SORCS3: variants seen among roughly 807,000 people sequenced by gnomAD.
The protein encoded by SORCS3 is sortilin related VPS10 domain containing receptor 3.
In SORCS3, 57 loss-of-function variants were observed where a neutral mutation model predicts 146.3. The observed-to-expected ratio is 0.39, with a 90% CI of 0.31 to 0.49. The LOEUF (loss-of-function observed/expected upper bound fraction) is 0.49. SORCS3 is among the 20% of genes least tolerant of loss of function. SORCS3 has a pLI of 0.92. For missense variants in SORCS3, 1,341 were observed against 1,575.5 expected, an observed-to-expected ratio of 0.85 and a Z score of 2.52; for synonymous variants, 653 against 618.5, an observed-to-expected ratio of 1.06 and a Z score of -0.83.
chr10:105,068,635 A>G (rs1195105162), intron 5 of SORCS3, among the ~76,000 whole-genome samples: 1 of 152,234 alleles, frequency 6.6e-6, no homozygotes, highest in African/African-American at 2.4e-5. Flanking sequence ...TTAAAGCGTA[A>G]TGACACATTA....
At chr10:105,108,276 A>T (rs1589636463) in intron 7 of SORCS3, among the ~76,000 whole-genome samples, 1 of 152,188 alleles carries the variant, frequency 6.6e-6, no homozygotes, top group East Asian at 1.9e-4. Flanking sequence ...GAAGATGGGG[A>T]GTGGGCAGTT....
At chr10:104,932,005 A>T (rs1261729944) in intron 3 of SORCS3, among the ~76,000 whole-genome samples, 1 of 152,172 alleles carries the variant, frequency 6.6e-6, no homozygotes, top group East Asian at 1.9e-4. Context: ...CTGATGTCAG[A>T]GCAGAAACTT....
intron 4 of SORCS3, among the ~76,000 whole-genome samples, chr10:105,031,224 A>G (rs1239487987): frequency 6.6e-6 from 1 of 151,630 alleles, no homozygotes; most frequent in African/African-American, 2.4e-5. Flanking sequence ...GCTTGAACCC[A>G]GGAGTTGGAG....
At chr10:104,971,649 T>A (rs1313333967) in intron 3 of SORCS3, among the ~76,000 whole-genome samples, 2 of 152,106 alleles carry the variant, frequency 1.3e-5, no homozygotes, top group African/African-American at 2.4e-5. Context: ...ATTTAGGAGT[T>A]TTCCCAAGGC....
chr10:105,085,000 G>A (rs1475950563), intron 5 of SORCS3, among the ~76,000 whole-genome samples: 2 of 152,094 alleles, frequency 1.3e-5, no homozygotes, highest in Non-Finnish European at 2.9e-5. Context: ...AAAGTGCTGG[G>A]ATTACAGGCG....
intron 1 of SORCS3, among the ~76,000 whole-genome samples, chr10:104,739,494 A>G (rs1287221325): frequency 1.3e-5 from 2 of 152,120 alleles, no homozygotes; most frequent in African/African-American, 2.4e-5. Flanking sequence ...TACTGAAAGC[A>G]CTCGGGAGAG....
In SORCS3 at chr10:104,641,325, G is replaced by T; in HGVS notation, c.-3G>T. On this transcript the variant is annotated 5_prime_UTR_variant, in exon 1 of 27. Coordinates refer to ENST00000369701, the MANE Select transcript of SORCS3 (RefSeq NM_014978.3). The surrounding 1 kb of genome is among the most constrained non-coding windows in gnomAD (Gnocchi z 6.4). Reference sequence around the variant, plus strand: ...CAGCCCGAGCCGCGGTAGCCGCAGCGGGATGGAGGCGGCGCGCACGGAGCG... The same window carrying T: ...CAGCCCGAGCCGCGGTAGCCGCAGCTGGATGGAGGCGGCGCGCACGGAGCG... 1.5e-6 allele frequency: 2 copies of T among 1,306,512 alleles called. No individual in the cohort carries two copies. Among genetic ancestry groups the T allele is most frequent in the Non-Finnish European group, 1.9e-6 (2 of 1,031,572 alleles). 80.9% of individuals were successfully genotyped at this position (1,306,512 alleles called of 1,614,324 possible). A position where few individuals can be genotyped will look rare whatever the true frequency, so the allele number is the denominator to read the frequency against.
intron 4 of SORCS3, among the ~76,000 whole-genome samples, chr10:105,026,742 C>A (rs2055234436): frequency 6.6e-6 from 1 of 152,156 alleles, no homozygotes; most frequent in Admixed American, 6.5e-5. Flanking sequence ...AAACCAAATA[C>A]CACGTGTTCT....
At chr10:104,878,216 A>T (rs2018596090) in intron 2 of SORCS3, among the ~76,000 whole-genome samples, 1 of 152,150 alleles carries the variant, frequency 6.6e-6, no homozygotes, top group Non-Finnish European at 1.5e-5. Flanking sequence ...TTCTTGGGAT[A>T]CAGATGTGGA....
chr10:105,094,111 C>G (rs1420879875), intron 6 of SORCS3, among the ~76,000 whole-genome samples: 1 of 152,150 alleles, frequency 6.6e-6, no homozygotes, highest in African/African-American at 2.4e-5. Context: ...AAGCTAATCT[C>G]AAAAGGTTAC....
intron 1 of SORCS3, chr10:104,821,961 A>G: frequency 2.6e-6 from 1 of 384,632 alleles, no homozygotes; most frequent in Non-Finnish European, 5.1e-6. Context: ...ATAACCTTGA[A>G]TGAAACTTCA....
chr10:104,781,832 G>A, intron 1 of SORCS3, among the ~76,000 whole-genome samples: 1 of 152,190 alleles, frequency 6.6e-6, no homozygotes, highest in African/African-American at 2.4e-5. Flanking sequence ...TTGGTATCAG[G>A]GTGAGTCTTC....
intron 7 of SORCS3, among the ~76,000 whole-genome samples, chr10:105,117,540 C>T (rs1421008944): frequency 6.6e-6 from 1 of 152,152 alleles, no homozygotes; most frequent in Admixed American, 6.5e-5. Flanking sequence ...TTAGCTTACT[C>T]ATCCCTATGT....
intron 7 of SORCS3, among the ~76,000 whole-genome samples, chr10:105,114,635 T>C (rs2055881388): frequency 6.6e-6 from 1 of 152,104 alleles, no homozygotes; most frequent in South Asian, 2.1e-4. Context: ...GAGAGTGGCT[T>C]CCTGAACCTG....
intron 5 of SORCS3, among the ~76,000 whole-genome samples, chr10:105,063,744 C>A (rs1344149962): frequency 6.6e-6 from 1 of 152,206 alleles, no homozygotes; most frequent in Non-Finnish European, 1.5e-5. Context: ...TGAATAGACA[C>A]CAGCCATGTC....
At chr10:104,969,605 A>G (rs1052748494) in intron 3 of SORCS3, among the ~76,000 whole-genome samples, 2 of 152,188 alleles carry the variant, frequency 1.3e-5, no homozygotes, top group African/African-American at 2.4e-5. Flanking sequence ...TACCAGTGAT[A>G]TCAAAGTATA....
At chr10:105,236,524 C>G (rs776061166) in intron 20 of SORCS3, among the ~76,000 whole-genome samples, 9 of 152,090 alleles carry the variant, frequency 5.9e-5, no homozygotes, top group Non-Finnish European at 1.2e-4. Flanking sequence ...TGTTCTAGCT[C>G]ATTTACCTGA....
chr10:104,723,518 A>C (rs2016578820), intron 1 of SORCS3, among the ~76,000 whole-genome samples: 1 of 152,076 alleles, frequency 6.6e-6, no homozygotes, highest in South Asian at 2.1e-4. Context: ...AGCTGAGTTC[A>C]ATTCCTGGAT....
intron 1 of SORCS3, among the ~76,000 whole-genome samples, chr10:104,653,704 C>T (rs1023522622): frequency 9.2e-5 from 14 of 152,164 alleles, no homozygotes; most frequent in South Asian, 4.2e-4. Context: ...TATATTTATG[C>T]GATACGTGAG....
Sources: allele counts gnomAD v4.1 joint callset (sites outside exome capture counted in the v4.1 genomes callset), GRCh38; gene constraint gnomAD v4.1.1; non-coding constraint Gnocchi (gnomAD v3.1); transcripts MANE v1.5; gene names NCBI Gene and HGNC (gene_info 2026-07-23, HGNC 2026-07-21).